Variants in ATG7 observed in about 807,000 individuals in gnomAD.
ATG7 encodes the protein ubiquitin-like modifier-activating enzyme ATG7.
Under a neutral mutation model 82.4 loss-of-function variants are expected in ATG7, and 70 were observed. The observed-to-expected ratio is 0.85, with a 90% CI of 0.70 to 1.04. The LOEUF is 1.04. Among genes scored for constraint, ATG7 ranks in the 50% least tolerant of loss-of-function variants. The pLI is 0.00. For missense variants in ATG7, 792 were observed against 864.3 expected (o/e 0.92, Z 1.05); for synonymous variants, 287 against 313.0 (o/e 0.92, Z 0.88).
intron 5 of ATG7, chr3:11,304,806 G>T (rs1403332667): frequency 6.6e-6 from 1 of 152,180 alleles, no homozygotes; most frequent in Admixed American, 6.5e-5. Flanking sequence ...GCCTTAGTAT[G>T]TGGAGAAAAT....
chr3:11,361,569 C>T (rs2076287109), intron 16 of ATG7, among the ~76,000 whole-genome samples: 1 of 152,168 alleles, frequency 6.6e-6, no homozygotes, highest in African/African-American at 2.4e-5. Flanking sequence ...AGGTGTGAGC[C>T]ACCACGCTTA....
intron 20 of ATG7, among the ~76,000 whole-genome samples, chr3:11,445,697 T>C (rs1260086432): frequency 6.6e-6 from 1 of 152,028 alleles, no homozygotes; most frequent in Non-Finnish European, 1.5e-5. Context: ...AAAAAGAAAA[T>C]ATGCATCTTC....
chr3:11,479,497 C>T (rs940838696), intron 20 of ATG7, among the ~76,000 whole-genome samples: 17 of 152,078 alleles, frequency 1.1e-4, no homozygotes, highest in African/African-American at 3.6e-4. Context: ...AGATATTGAC[C>T]GATCCCCTCT....
chr3:11,467,222 G>A (rs569237768), intron 20 of ATG7, among the ~76,000 whole-genome samples: 71 of 152,068 alleles, frequency 4.7e-4, no homozygotes, highest in Non-Finnish European at 9.6e-4. Context: ...AGATAGCATG[G>A]GGCAGTGGTT....
chr3:11,552,756 G>A (rs930927160), intron 20 of ATG7, among the ~76,000 whole-genome samples: 10 of 152,174 alleles, frequency 6.6e-5, no homozygotes, highest in Admixed American at 2.6e-4. Flanking sequence ...GCCAGCAGCC[G>A]CATCCCCTCG....
chr3:11,337,542 T>C (rs1387707085), intron 11 of ATG7, among the ~76,000 whole-genome samples: 1 of 152,158 alleles, frequency 6.6e-6, no homozygotes, highest in Non-Finnish European at 1.5e-5. Flanking sequence ...ATAGATTATA[T>C]GGATGCAGGT....
At chr3:11,397,105 A>G (rs1348722579) in intron 19 of ATG7, among the ~76,000 whole-genome samples, 2 of 152,218 alleles carry the variant, frequency 1.3e-5, no homozygotes, top group Non-Finnish European at 2.9e-5. Context: ...ATTAAACATA[A>G]TTGGTTAAAT....
intron 20 of ATG7, among the ~76,000 whole-genome samples, chr3:11,538,161 G>T (rs1250140209): frequency 6.6e-6 from 1 of 152,226 alleles, no homozygotes; most frequent in East Asian, 1.9e-4. Flanking sequence ...GAGGCAAGTG[G>T]TCAGAGAGAG....
At position 11,368,229 on chromosome 3, in the gene ATG7, T is replaced by TAAA. The variant is rs760208581; in HGVS notation, c.1875+3516_1875+3518dup. Among the ~76,000 whole-genome samples, 355 of 109,236 alleles carry TAAA rather than the reference T, an allele frequency of 3.2e-3. 1 individual carries two copies. Among genetic ancestry groups the TAAA allele is most frequent in the African/African-American group, 0.01 (300 of 29,250 alleles). 71.7% of individuals were successfully genotyped at this position (109,236 alleles called of 152,430 possible). On this transcript the variant is annotated intron_variant, in intron 18 of 20. Coordinates refer to ENST00000693202, the MANE Select transcript of ATG7 (RefSeq NM_001349232.2). ...TTCCCATCAACAGTGTTCTTTTACT[T>TAAA]AAAAAAAAAAAAAAAAAAAAAAAGA...
At chr3:11,394,182 G>T (rs1265636852) in intron 19 of ATG7, among the ~76,000 whole-genome samples, 1 of 152,146 alleles carries the variant, frequency 6.6e-6, no homozygotes, top group Non-Finnish European at 1.5e-5. Flanking sequence ...CTACCAAGAA[G>T]AGCTATTACT....
chr3:11,442,926 C>G (rs2084141790), intron 20 of ATG7, among the ~76,000 whole-genome samples: 1 of 151,728 alleles, frequency 6.6e-6, no homozygotes, highest in Non-Finnish European at 1.5e-5. Flanking sequence ...GGCTGTACAA[C>G]AAACAAAACA....
chr3:11,319,124 G>A (rs1484050347), intron 9 of ATG7, among the ~76,000 whole-genome samples: 1 of 152,216 alleles, frequency 6.6e-6, no homozygotes, highest in African/African-American at 2.4e-5. Context: ...AGAGAGAATT[G>A]TGGACTGGTA....
intron 3 of ATG7, among the ~76,000 whole-genome samples, chr3:11,284,985 T>TATAGGCGCCCGCCACC (rs2152653645): frequency 6.6e-6 from 1 of 151,802 alleles, no homozygotes; most frequent in African/African-American, 2.4e-5. Flanking sequence ...TAGTTGGGAC[T>TATAGGCGCCCGCCACC]ATAGGCGCCC....
At chr3:11,280,120 G>T (rs1172034878) in intron 1 of ATG7, among the ~76,000 whole-genome samples, 1 of 151,448 alleles carries the variant, frequency 6.6e-6, no homozygotes, top group African/African-American at 2.4e-5. Context: ...TATCTCAGCT[G>T]ACTGCAACCT....
At chr3:11,573,308 G>A in the ATG7 span, among the ~76,000 whole-genome samples, 1,388 of 22,530 alleles carry the variant, frequency 0.062, 168 homozygotes, top group East Asian at 0.098. Flanking sequence ...AGAAAGAAAG[G>A]AAGGAAGGAA....
intron 20 of ATG7, among the ~76,000 whole-genome samples, chr3:11,543,673 G>A (rs866134627): frequency 2.0e-5 from 3 of 152,224 alleles, no homozygotes; most frequent in African/African-American, 7.2e-5. Context: ...ACTGAGGTGG[G>A]CGGATCACCT....
At chr3:11,558,707 A>G, downstream of ATG7, 1 of 1,614,076 alleles carries the variant, frequency 6.2e-7, no homozygotes, top group Admixed American at 1.7e-5. Flanking sequence ...AGCTTTGGCA[A>G]AGTGGTCGTC....
intron 11 of ATG7, among the ~76,000 whole-genome samples, chr3:11,338,695 A>G (rs1952955649): frequency 6.6e-6 from 1 of 152,194 alleles, no homozygotes; most frequent in Non-Finnish European, 1.5e-5. Context: ...CATGGCATTA[A>G]AAAATACCAC....
chr3:11,539,108 T>TC (rs1472479926), intron 20 of ATG7, among the ~76,000 whole-genome samples: 3 of 151,536 alleles, frequency 2.0e-5, no homozygotes, highest in South Asian at 2.1e-4. Flanking sequence ...TTTTTTTTTT[T>TC]CAGGTTGTAA....
Sources: gnomAD v4.1 joint callset for allele counts (sites outside exome capture counted in the v4.1 genomes callset) on GRCh38, gnomAD v4.1.1 for gene constraint, MANE v1.5 for transcripts, NCBI Gene and HGNC (gene_info 2026-07-23, HGNC 2026-07-21) for gene names.